The following GLRA2 variants were observed in gnomAD, a reference collection of about 807,000 sequenced individuals.
GLRA2 encodes the protein glycine receptor subunit alpha-2.
A neutral mutation model predicts 31.6 loss-of-function variants in GLRA2; 11 were observed. The ratio of observed to expected loss-of-function variants is 0.35; its 90% CI spans 0.22 to 0.58. GLRA2 has a LOEUF of 0.58. GLRA2 is among the 20% of genes least tolerant of loss of function. The pLI is 0.84. For missense variants in GLRA2, 212 were observed against 351.8 expected (o/e 0.60, Z 3.18); for synonymous variants, 132 against 134.0 (o/e 0.99, Z 0.10).
chrX:14,590,289 T>C (rs2090132400), intron 4 of GLRA2, among the ~76,000 whole-genome samples: 1 of 111,219 alleles, frequency 9.0e-6, no homozygotes, highest in Admixed American at 9.6e-5. Context: ...CCTCTGATGA[T>C]AGATTACAGG....
intron 3 of GLRA2, among the ~76,000 whole-genome samples, chrX:14,580,138 T>C (rs777080204): frequency 3.9e-4 from 44 of 111,475 alleles, no homozygotes; most frequent in African/African-American, 1.4e-3. Flanking sequence ...AATTGGGAAG[T>C]TCTCAGGCAA....
the GLRA2 span, among the ~76,000 whole-genome samples, chrX:14,488,961 G>C: frequency 9.0e-6 from 1 of 110,994 alleles, no homozygotes; most frequent in Non-Finnish European, 1.9e-5. Context: ...TAAGTCACTG[G>C]TTTCAAGCCT....
the GLRA2 span, among the ~76,000 whole-genome samples, chrX:14,472,240 G>A: frequency 8.9e-6 from 1 of 112,220 alleles, no homozygotes; most frequent in Non-Finnish European, 1.9e-5. Flanking sequence ...ATACCTGGCT[G>A]GCCAGTGTAG....
the GLRA2 span, among the ~76,000 whole-genome samples, chrX:14,491,500 CT>C: frequency 8.9e-6 from 1 of 112,085 alleles, no homozygotes; most frequent in East Asian, 2.8e-4. Context: ...TTTAATTTAG[CT>C]TTGTCATAAG....
At chrX:14,664,584 C>A (rs904133667) in intron 7 of GLRA2, among the ~76,000 whole-genome samples, 3 of 112,036 alleles carry the variant, frequency 2.7e-5, no homozygotes, top group African/African-American at 9.7e-5. Flanking sequence ...ACTTGCACAA[C>A]CTGAGGCCAG....
chrX:14,721,112 C>A (rs2091858922), intron 8 of GLRA2, among the ~76,000 whole-genome samples: 1 of 77,447 alleles, frequency 1.3e-5, no homozygotes, highest in Admixed American at 1.3e-4. Context: ...CAGAGTGTGA[C>A]CCTGTCTCAA....
At chrX:14,473,122 A>G in the GLRA2 span, among the ~76,000 whole-genome samples, 1 of 111,586 alleles carries the variant, frequency 9.0e-6, no homozygotes, top group Non-Finnish European at 1.9e-5. Context: ...GATTGGGGGG[A>G]AAGTTGCGTG....
intron 4 of GLRA2, among the ~76,000 whole-genome samples, chrX:14,601,226 G>A (rs2090270793): frequency 9.0e-6 from 1 of 111,497 alleles, no homozygotes; most frequent in Admixed American, 9.6e-5. Context: ...TAAGTCAGTT[G>A]TTTAGAACTA....
chrX:14,695,634 A>AT (rs1333179040), intron 8 of GLRA2, among the ~76,000 whole-genome samples: 2 of 111,764 alleles, frequency 1.8e-5, no homozygotes, highest in East Asian at 5.6e-4. Flanking sequence ...CTGAAGTGAG[A>AT]TACTGTGTTC....
At chrX:14,583,596 G>A (rs184088342) in intron 4 of GLRA2, among the ~76,000 whole-genome samples, 71 of 111,544 alleles carry the variant, frequency 6.4e-4, no homozygotes, top group East Asian at 5.7e-3. Context: ...AAAATTAGCC[G>A]GGCATGGTGG....
intron 8 of GLRA2, among the ~76,000 whole-genome samples, chrX:14,707,780 G>A (rs183650012): frequency 1.2e-3 from 132 of 109,954 alleles, no homozygotes; most frequent in African/African-American, 3.8e-3. Context: ...GTGTGCACGC[G>A]CGCGTGTTGC....
chrX:14,569,645 T>C (rs2089857457), intron 2 of GLRA2, among the ~76,000 whole-genome samples: 1 of 112,628 alleles, frequency 8.9e-6, no homozygotes, highest in Admixed American at 9.4e-5. Flanking sequence ...ATTGGAACTC[T>C]CACACATTGC....
chrX:14,697,168 A>G (rs1192234551), intron 8 of GLRA2, among the ~76,000 whole-genome samples: 1 of 111,791 alleles, frequency 8.9e-6, no homozygotes, highest in East Asian at 2.8e-4. Flanking sequence ...GATACTTTAC[A>G]TATAGTAATT....
chrX:14,500,859 G>A, the GLRA2 span, among the ~76,000 whole-genome samples: 6 of 109,619 alleles, frequency 5.5e-5, no homozygotes, highest in African/African-American at 1.0e-4. Flanking sequence ...GTGATGGGAG[G>A]AATGAAGCCA....
At chrX:14,688,663 G>A (rs1446726784) in intron 7 of GLRA2, among the ~76,000 whole-genome samples, 1 of 111,230 alleles carries the variant, frequency 9.0e-6, no homozygotes, top group Non-Finnish European at 1.9e-5. Context: ...TGCAGTATTA[G>A]GGTGGGAGTG....
chrX:14,508,415 A>G, the GLRA2 span, among the ~76,000 whole-genome samples: 2 of 112,549 alleles, frequency 1.8e-5, no homozygotes, highest in African/African-American at 3.2e-5. Context: ...TTCTAAATGT[A>G]TGCTGTGGTC....
At chrX:14,483,614 A>G in the GLRA2 span, among the ~76,000 whole-genome samples, 1 of 112,076 alleles carries the variant, frequency 8.9e-6, no homozygotes, top group Non-Finnish European at 1.9e-5. Context: ...CTAAATGACA[A>G]TAAACTCCTT....
chrX:14,627,382 A>T (rs1036027117), intron 7 of GLRA2, among the ~76,000 whole-genome samples: 2 of 111,337 alleles, frequency 1.8e-5, no homozygotes, highest in Non-Finnish European at 3.8e-5. Flanking sequence ...ATAAGTGCCA[A>T]AGCCAGAATC....
the GLRA2 span, among the ~76,000 whole-genome samples, chrX:14,515,200 T>G: frequency 8.9e-6 from 1 of 111,860 alleles, no homozygotes; most frequent in Non-Finnish European, 1.9e-5. Context: ...ATGAAGTCAT[T>G]TCACTGTCTT....
Sources: gnomAD v4.1 joint callset for allele counts (sites outside exome capture counted in the v4.1 genomes callset) on GRCh38, gnomAD v4.1.1 for gene constraint, MANE v1.5 for transcripts, NCBI Gene and HGNC (gene_info 2026-07-23, HGNC 2026-07-21) for gene names.